Variants in TULP4 observed in about 807,000 individuals in gnomAD.
The protein encoded by TULP4 is tubby-related protein 4.
TULP4 carries 16 observed loss-of-function variants against 129.0 expected under a neutral mutation model. That is an observed-to-expected ratio of 0.12 (90% CI 0.08 to 0.19). The LOEUF is 0.19. Ranked by LOEUF, TULP4 falls within the 10% of genes least tolerant of loss-of-function variation. TULP4 has a pLI of 1.00. For missense variants in TULP4, 1,842 were observed against 2,059.1 expected (o/e 0.89, Z 2.04); for synonymous variants, 998 against 854.0 (o/e 1.17, Z -2.94).
At chr6:158,295,361 A>T (rs1346280478) in intron 1 of TULP4, among the ~76,000 whole-genome samples, 11 of 152,048 alleles carry the variant, frequency 7.2e-5, no homozygotes, top group East Asian at 1.9e-4. Context: ...ACAATAATTT[A>T]AAAAAAACTT....
intron 1 of TULP4, among the ~76,000 whole-genome samples, chr6:158,237,050 C>G (rs79147119): frequency 0.16 from 23,797 of 151,744 alleles, 2,500 homozygotes; most frequent in East Asian, 0.44. Flanking sequence ...ACCTTGTGAT[C>G]TGCCCACCTC....
At position 158,504,055 on chromosome 6, in the gene TULP4, G is replaced by C. The variant is rs895827813; in HGVS notation, c.4392G>C (p.Val1464=). The C allele has an allele frequency of 2.5e-6, 4 of 1,609,128 alleles. No homozygotes were observed. Among genetic ancestry groups the C allele is most frequent in the Non-Finnish European group, 3.4e-6 (4 of 1,177,926 alleles). ...EDGRLGSQGF[V]YVMANKQPLW... ...GGCGGCTGGGCAGCCAAGGCTTCGT[G>C]TACGTGATGGCCAACAAGCAGCCGC... The change falls in exon 13 of 14, where the codon GTG becomes GTC. Residue 1464 remains valine, a synonymous_variant. Transcript: ENST00000367097.
intron 1 of TULP4, among the ~76,000 whole-genome samples, chr6:158,369,177 A>G (rs751093697): frequency 1.3e-5 from 2 of 152,142 alleles, no homozygotes; most frequent in African/African-American, 2.4e-5. Flanking sequence ...TCATTTTACA[A>G]GGGAGGAAAA....
At chr6:158,362,921 G>A (rs1780829887) in intron 1 of TULP4, among the ~76,000 whole-genome samples, 1 of 152,098 alleles carries the variant, frequency 6.6e-6, no homozygotes, top group Non-Finnish European at 1.5e-5. Flanking sequence ...AATTAGCCGG[G>A]TGCAGTGGCA....
intron 2 of TULP4, among the ~76,000 whole-genome samples, chr6:158,425,944 T>A (rs139095978): frequency 2.6e-5 from 4 of 152,356 alleles, no homozygotes; most frequent in East Asian, 3.9e-4. Flanking sequence ...TGAGATGGTG[T>A]CTCATTGTGT....
chr6:158,264,970 G>A lies in TULP4; in HGVS notation n.68+32667G>A, dbSNP rs139396950. Among the ~76,000 whole-genome samples the A allele has an allele frequency of 5.4e-3, 816 of 152,332 alleles. 7 individuals carry two copies. The highest frequency in any genetic ancestry group is 0.018 in the African/African-American group (764 of 41,572). On this transcript the variant is annotated intron_variant and non_coding_transcript_variant, in intron 1 of 1. Transcript: ENST00000620026. ...GGTAAAAGCAGAAAAGCATCTGTGA[G>A]GGACTAACTTCAGGTGGTGCCTCTG...
Position 158,501,855 on chromosome 6 carries a change from T to C in TULP4, c.2192T>C (p.Val731Ala). 2 of 1,614,032 alleles carry C rather than the reference T, an allele frequency of 1.2e-6. No homozygotes were observed. The highest frequency in any genetic ancestry group is 1.7e-6 in the Non-Finnish European group (2 of 1,179,986). The change falls in exon 13 of 14, where the codon GTA becomes GCA. Residue 731 changes from valine (V) to alanine (A), a missense_variant. Val to Ala is a moderately conservative substitution (Grantham distance 64, BLOSUM62 0). Transcript: ENST00000367097. ...GTCCTGACCAACCAGACGACAGCTG[T>C]AGGGACAGCAGAACATGCAGGTGAC... ...LDVLTNQTTA[V>A]GTAEHAGDSA...
intron 12 of TULP4, 97 bp from the exon 13 acceptor site, chr6:158,501,581 C>A: frequency 8.0e-7 from 1 of 1,256,608 alleles, no homozygotes; most frequent in Non-Finnish European, 1.1e-6. Flanking sequence ...ATTTTGTTTA[C>A]AGAAGGAGAC....
At chr6:158,270,128 A>G (rs1287752535) in intron 1 of TULP4, among the ~76,000 whole-genome samples, 1 of 152,204 alleles carries the variant, frequency 6.6e-6, no homozygotes, top group Non-Finnish European at 1.5e-5. Flanking sequence ...GTATAATTAG[A>G]TCTTCTATAT....
At chr6:158,257,241 G>A (rs1395819028) in intron 1 of TULP4, among the ~76,000 whole-genome samples, 2 of 151,970 alleles carry the variant, frequency 1.3e-5, no homozygotes, top group Admixed American at 6.6e-5. Context: ...GTTCGTTTCT[G>A]CCCACCCAGA....
chr6:158,383,282 A>G (rs1303836067), intron 1 of TULP4, among the ~76,000 whole-genome samples: 1 of 152,230 alleles, frequency 6.6e-6, no homozygotes, highest in African/African-American at 2.4e-5. Context: ...TAGAGGTGTC[A>G]AGGGGTGAGG....
In TULP4 at chr6:158,478,025, T is replaced by C. The variant is rs2128249300; in HGVS notation, c.1027-1726T>C. On this transcript the variant is annotated intron_variant, in intron 6 of 13. Coordinates refer to ENST00000367097, the MANE Select transcript of TULP4 (RefSeq NM_020245.5). ...GTAGGAACAAAAAAACCAAATACCA[T>C]ATATTCTCACTTCTAAGCCGGACCT... 1.3e-5 allele frequency among the ~76,000 whole-genome samples: 2 copies of C among 152,176 alleles called. 1 individual carries two copies. Among genetic ancestry groups the C allele is most frequent in the South Asian group, 4.2e-4 (2 of 4,816 alleles).
At chr6:158,394,637 A>G (rs1197853677) in intron 1 of TULP4, among the ~76,000 whole-genome samples, 1 of 151,510 alleles carries the variant, frequency 6.6e-6, no homozygotes, top group African/African-American at 2.4e-5. Flanking sequence ...CAAAAAAAAA[A>G]TTAGCCGGAC....
chr6:158,452,921 T>G (rs1359561004), intron 5 of TULP4, among the ~76,000 whole-genome samples: 1 of 152,158 alleles, frequency 6.6e-6, no homozygotes, highest in African/African-American at 2.4e-5. Flanking sequence ...TGATGTGAGT[T>G]CTATGGAAAA....
At chr6:158,430,654 G>A (rs1259736570) in intron 3 of TULP4, among the ~76,000 whole-genome samples, 1 of 152,098 alleles carries the variant, frequency 6.6e-6, no homozygotes, top group South Asian at 2.1e-4. Flanking sequence ...GGCTGAGACA[G>A]GAGAATTGCT....
intron 1 of TULP4, among the ~76,000 whole-genome samples, chr6:158,323,565 GTACCTTTA>G (rs1177675807): frequency 1.8e-4 from 27 of 152,192 alleles, no homozygotes; most frequent in African/African-American, 6.3e-4. Context: ...TTCCTAGGTA[GTACCTTTA>G]GGTATTCCAT....
chr6:158,457,639 G>C (rs1415983343), intron 5 of TULP4, among the ~76,000 whole-genome samples: 1 of 152,148 alleles, frequency 6.6e-6, no homozygotes, highest in Non-Finnish European at 1.5e-5. Context: ...TCATCCCTCA[G>C]TGGCAAAGCA....
intron 1 of TULP4, among the ~76,000 whole-genome samples, chr6:158,383,730 G>A (rs1225092358): frequency 3.3e-5 from 5 of 152,194 alleles, no homozygotes; most frequent in African/African-American, 4.8e-5. Flanking sequence ...CCAGCTTCTC[G>A]GGGCACATGG....
intron 1 of TULP4, among the ~76,000 whole-genome samples, chr6:158,378,468 T>TTTTTG (rs1777244402): frequency 1.4e-5 from 1 of 72,982 alleles, no homozygotes; most frequent in African/African-American, 4.3e-5. Flanking sequence ...AGCCAGTTTT[T>TTTTTG]TTTTTTTTTT....
Sources: allele counts gnomAD v4.1 joint callset (sites outside exome capture counted in the v4.1 genomes callset), GRCh38; gene constraint gnomAD v4.1.1; transcripts MANE v1.5; gene names NCBI Gene and HGNC (gene_info 2026-07-23, HGNC 2026-07-21).